CFHR5: variants seen among roughly 807,000 people sequenced by gnomAD.
CFHR5 encodes the protein complement factor H-related protein 5.
CFHR5 carries 73 observed loss-of-function variants against 62.9 expected under a neutral mutation model. The ratio of observed to expected loss-of-function variants is 1.16; its 90% CI spans 0.96 to 1.41. The LOEUF (loss-of-function observed/expected upper bound fraction) is 1.41. CFHR5 is among the 40% of genes most tolerant of loss of function. The pLI, the probability that CFHR5 is intolerant of heterozygous loss-of-function variation, is 0.00. For missense variants in CFHR5, 779 were observed against 679.9 expected (o/e 1.15, Z -1.62); for synonymous variants, 249 against 227.2 (o/e 1.10, Z -0.86).
intron 3 of CFHR5, among the ~76,000 whole-genome samples, chr1:196,989,852 T>C (rs927884591): frequency 1.3e-5 from 2 of 152,184 alleles, no homozygotes; most frequent in Non-Finnish European, 1.5e-5. Context: ...TTCTGTTGAT[T>C]TGAAGTGGAG....
rs1653429743 is a variant in CFHR5 at position 196,977,631 on chromosome 1, TA to T, written c.-33del. 5.9e-6 allele frequency: 9 copies of T among 1,532,236 alleles called. No individual in the cohort carries two copies. The highest frequency in any genetic ancestry group is 8.1e-6 in the Non-Finnish European group (9 of 1,106,162). 94.9% of individuals were successfully genotyped at this position (1,532,236 alleles called of 1,614,324 possible). A position where few individuals can be genotyped will look rare whatever the true frequency, so the allele number is the denominator to read the frequency against. ...TAAAGCAACACCACCATCACTGGAG[TA>T]TTTTTAGTTATATACGATTGAGACT... On this transcript the variant is annotated 5_prime_UTR_variant, in exon 1 of 10. It removes the in-frame stop codon of an upstream open reading frame in the 5' UTR. Transcript: ENST00000256785.
At chr1:197,000,588 A>G (rs1191765277) in intron 7 of CFHR5, among the ~76,000 whole-genome samples, 5 of 152,148 alleles carry the variant, frequency 3.3e-5, no homozygotes, top group African/African-American at 4.8e-5. Flanking sequence ...TGAAATTCTC[A>G]TTATTATTTG....
intron 1 of CFHR5, among the ~76,000 whole-genome samples, chr1:196,980,005 C>T (rs1220535831): frequency 1.3e-5 from 2 of 151,674 alleles, no homozygotes; most frequent in Non-Finnish European, 2.9e-5. Context: ...AGATTTTTAT[C>T]TTTTAAATTA....
At chr1:196,996,403 A>T (rs544615867) in intron 6 of CFHR5, among the ~76,000 whole-genome samples, 27 of 152,204 alleles carry the variant, frequency 1.8e-4, no homozygotes, top group Admixed American at 9.8e-4. Context: ...TACTGCACAG[A>T]TTTCTTCACC....
At chr1:196,999,105 TA>T (rs1654066028) in intron 7 of CFHR5, among the ~76,000 whole-genome samples, 2 of 151,838 alleles carry the variant, frequency 1.3e-5, no homozygotes, top group African/African-American at 4.8e-5. Context: ...AGAAATCATA[TA>T]AAATACACAT....
Position 196,982,869 on chromosome 1 carries a change from G to A in CFHR5, c.59-16G>A. On this transcript the variant is annotated splice_polypyrimidine_tract_variant and intron_variant, in intron 1 of 9. Coordinates refer to ENST00000256785, the MANE Select transcript of CFHR5 (RefSeq NM_030787.4). The stretch of plus-strand genomic sequence containing the variant: ...GCTCTTTATTTAATTCTTCAGTTTT[G>A]TGTTATTTTTCCCAGGAACACTTTG... 1 of 1,603,488 alleles carries A rather than the reference G, an allele frequency of 6.2e-7. No individual in the cohort carries two copies. The highest frequency in any genetic ancestry group is 1.1e-5 in the South Asian group (1 of 90,686).
chr1:196,987,019 CT>C (rs1320077571), intron 3 of CFHR5, among the ~76,000 whole-genome samples: 2 of 152,160 alleles, frequency 1.3e-5, no homozygotes, highest in Non-Finnish European at 2.9e-5. Flanking sequence ...TCCACATCCT[CT>C]CTAGAATCTG....
chr1:197,001,748 T>G (rs1020910338), intron 7 of CFHR5, among the ~76,000 whole-genome samples: 1 of 123,162 alleles, frequency 8.1e-6, no homozygotes, highest in African/African-American at 3.1e-5. Context: ...TTCCCCTTCC[T>G]GTGTCCATGT....
At chr1:196,979,623 G>A (rs1201905302) in intron 1 of CFHR5, among the ~76,000 whole-genome samples, 2 of 152,242 alleles carry the variant, frequency 1.3e-5, no homozygotes, top group East Asian at 3.9e-4. Context: ...GTTGTTCTGG[G>A]TAAGTCACTG....
chr1:196,996,069 G>A lies in CFHR5; in HGVS notation c.838G>A (p.Val280Ile). 5 of 1,613,932 alleles carry A rather than the reference G, an allele frequency of 3.1e-6. No individual in the cohort carries two copies. Among genetic ancestry groups the A allele is most frequent in the Non-Finnish European group, 4.2e-6 (5 of 1,179,894 alleles). The change falls in exon 6 of 10, where the codon GTT becomes ATT. Residue 280 changes from valine (V) to isoleucine (I), a missense_variant. By Grantham distance (29) the Val-to-Ile change is conservative. Transcript: ENST00000256785. ...CATACCTGAACTCGAGTACGGTTAT[G>A]TTCAGCCGTCTGTCCCTCCCTATCA... ...GYIPELEYGY[V>I]QPSVPPYQHG...
chr1:196,996,212 A>G lies in CFHR5; in HGVS notation c.970+11A>G, dbSNP rs375624640. On this transcript the variant is annotated intron_variant, in intron 6 of 9. Coordinates refer to ENST00000256785, the MANE Select transcript of CFHR5 (RefSeq NM_030787.4). ...TTCCTATGTGTGTTGGTGAGAAAAC[A>G]TTCCTAAACTTTATATTTGATTATT... The G allele has an allele frequency of 2.5e-6, 4 of 1,579,828 alleles. No individual in the cohort carries two copies. Among genetic ancestry groups the G allele is most frequent in the East Asian group, 4.5e-5 (2 of 44,690 alleles).
At chr1:197,004,135 T>A (rs114884957) in intron 8 of CFHR5, among the ~76,000 whole-genome samples, 1 of 152,138 alleles carries the variant, frequency 6.6e-6, no homozygotes, top group East Asian at 1.9e-4. Context: ...TGTTACTTTT[T>A]TTAGTTTTCC....
chr1:196,995,842 G>A lies in CFHR5; in HGVS notation c.733G>A (p.Gly245Arg), dbSNP rs201808624. 1.9e-5 allele frequency: 31 copies of A among 1,613,102 alleles called. No homozygotes were observed. Among genetic ancestry groups the A allele is most frequent in the Non-Finnish European group, 2.5e-5 (29 of 1,179,302 alleles). Residue 245 changes from glycine to arginine, a missense_variant, in exon 5 of 10, where the codon GGG becomes AGG. Gly to Arg is a moderately radical substitution (Grantham distance 125). Coordinates refer to ENST00000256785, the MANE Select transcript of CFHR5 (RefSeq NM_030787.4). ...YDCNPNFIIN[G>R]PKKIQCVDGE... ...TTGCAATCCTAATTTTATAATAAAC[G>A]GGCCTAAGAAAATACAATGTGTGGA...
chr1:196,993,955 C>A (rs1038241383), intron 3 of CFHR5, 125 bp from the exon 4 acceptor site: 3 of 753,450 alleles, frequency 4.0e-6, no homozygotes, highest in Non-Finnish European at 6.6e-6. Context: ...TATATGTTTT[C>A]TCGAAGGCAA....
chr1:197,007,120 C>A (rs943698490), intron 9 of CFHR5, among the ~76,000 whole-genome samples: 6 of 151,986 alleles, frequency 3.9e-5, no homozygotes, highest in Admixed American at 3.9e-4. Flanking sequence ...CAGGCGTGAG[C>A]CACCACGCCC....
chr1:196,983,888 C>T (rs1653607465), intron 2 of CFHR5, 73 bp from the exon 3 acceptor site: 3 of 1,077,250 alleles, frequency 2.8e-6, no homozygotes, highest in Non-Finnish European at 4.2e-6. Context: ...GTTTTCCTTT[C>T]TTAATGAAAT....
chr1:196,992,008 A>T (rs938412431), intron 3 of CFHR5, among the ~76,000 whole-genome samples: 2 of 152,226 alleles, frequency 1.3e-5, no homozygotes, highest in Non-Finnish European at 2.9e-5. Context: ...GAGTTTACAG[A>T]AGCAGCAGGC....
At chr1:196,989,355 T>C (rs879352154) in intron 3 of CFHR5, among the ~76,000 whole-genome samples, 4 of 151,134 alleles carry the variant, frequency 2.6e-5, no homozygotes, top group Non-Finnish European at 5.9e-5. Flanking sequence ...AGGGCTTTTG[T>C]TGTCTCTATC....
chr1:196,987,988 T>G (rs1653742068), intron 3 of CFHR5, among the ~76,000 whole-genome samples: 1 of 152,196 alleles, frequency 6.6e-6, no homozygotes, highest in African/African-American at 2.4e-5. Context: ...ATATTGATTC[T>G]TCCTCTCCAT....
Sources: allele counts gnomAD v4.1 joint callset (sites outside exome capture counted in the v4.1 genomes callset), GRCh38; gene constraint gnomAD v4.1.1; transcripts MANE v1.5; gene names NCBI Gene and HGNC (gene_info 2026-07-23, HGNC 2026-07-21).